RASSF5: variants seen among roughly 807,000 people sequenced by gnomAD.
RASSF5 encodes Ras association domain family member 5, also known as ras association domain-containing protein 5.
Under a neutral mutation model 40.5 loss-of-function variants are expected in RASSF5, and 25 were observed. The observed-to-expected ratio is 0.62, with a 90% CI of 0.45 to 0.86. The LOEUF is 0.86. RASSF5 is among the 40% of genes least tolerant of loss of function. RASSF5 has a pLI of 0.00. For missense variants in RASSF5, 521 were observed against 572.8 expected (o/e 0.91, Z 0.92); for synonymous variants, 246 against 252.4 (o/e 0.97, Z 0.24).
At chr1:206,571,728 G>A (rs1172346610) in intron 2 of RASSF5, among the ~76,000 whole-genome samples, 2 of 152,244 alleles carry the variant, frequency 1.3e-5, no homozygotes, top group Non-Finnish European at 2.9e-5. Context: ...ATGTAGAGAA[G>A]GGAGGACTTT....
rs79362557 is a variant in RASSF5, at chr1:206,560,368, G to A, written c.579+22075G>A. On this transcript the variant is annotated intron_variant, in intron 2 of 5. Transcript: ENST00000579436. The surrounding 1 kb of genome is among the most constrained non-coding windows in gnomAD (Gnocchi z 5.1). ...CTCCAATGCCCTTTGGGAAGAGGTC[G>A]GAGGGGTGGGAAAGGTCTCCCCATT... Among the ~76,000 whole-genome samples the A allele has an allele frequency of 0.023, 3,486 of 152,290 alleles. 155 individuals carry two copies. Among genetic ancestry groups the A allele is most frequent in the African/African-American group, 0.08 (3,309 of 41,538 alleles).
At chr1:206,562,649 T>C (rs1424600539) in intron 2 of RASSF5, among the ~76,000 whole-genome samples, 2 of 152,176 alleles carry the variant, frequency 1.3e-5, no homozygotes, top group African/African-American at 2.4e-5. Context: ...AAAGCCAGTA[T>C]TGGCCGGGCG....
chr1:206,538,493 C>A (rs1313924647), intron 2 of RASSF5, among the ~76,000 whole-genome samples, 200 bp downstream of exon 2: 1 of 152,212 alleles, frequency 6.6e-6, no homozygotes, highest in Non-Finnish European at 1.5e-5. Flanking sequence ...ACTCAGAAGT[C>A]CCCTGTAGTT....
chr1:206,542,588 GCAA>G (rs1354390520), intron 2 of RASSF5: 1 of 152,182 alleles, frequency 6.6e-6, no homozygotes, highest in Non-Finnish European at 1.5e-5. Context: ...TTCCTGGGCA[GCAA>G]CCTCGGAAAC....
intron 2 of RASSF5, among the ~76,000 whole-genome samples, chr1:206,580,329 C>T (rs901172400): frequency 1.1e-4 from 17 of 152,140 alleles, no homozygotes; most frequent in Admixed American, 9.2e-4. Context: ...GAGATCTTTC[C>T]GAAGCTTCTA....
Position 206,507,920 on chromosome 1 carries a change from C to T in RASSF5, c.318C>T (p.Ile106=), listed in dbSNP as rs2103496659. 2 of 1,517,308 alleles carry T rather than the reference C, an allele frequency of 1.3e-6. No individual in the cohort carries two copies. The highest frequency in any genetic ancestry group is 2.1e-5 in the Admixed American group (1 of 48,658). The allele number at this position is 1,517,308 out of a possible 1,614,324, so 94.0% of individuals were successfully genotyped here. Residue 106 remains isoleucine (I), a synonymous_variant, in exon 1 of 6, where the codon ATC becomes ATT. Coordinates refer to ENST00000579436, the MANE Select transcript of RASSF5 (RefSeq NM_182663.4). ...CCCGACCCCGCGACGTGCGGAGCAT[C>T]TTCGAGCAGCCGCAGGATCCCAGAG... ...GAPRPRDVRS[I]FEQPQDPRVP...
At chr1:206,564,265 C>T (rs1007740128) in intron 2 of RASSF5, among the ~76,000 whole-genome samples, 3 of 152,144 alleles carry the variant, frequency 2.0e-5, no homozygotes, top group Non-Finnish European at 4.4e-5. Context: ...GTCAGAGAGA[C>T]GACCTCCTCC....
chr1:206,509,278 G>A (rs1354225096), intron 1 of RASSF5, among the ~76,000 whole-genome samples: 2 of 152,228 alleles, frequency 1.3e-5, no homozygotes, highest in African/African-American at 4.8e-5. Flanking sequence ...GCTGTTCAAT[G>A]TGCTGCCCGC....
chr1:206,522,465 G>A (rs1666932836), intron 1 of RASSF5, among the ~76,000 whole-genome samples: 1 of 152,156 alleles, frequency 6.6e-6, no homozygotes, highest in African/African-American at 2.4e-5. Flanking sequence ...TTTCTGATGT[G>A]GTGTCGGAGG....
chr1:206,512,487 T>C (rs1349144791), intron 1 of RASSF5, among the ~76,000 whole-genome samples: 1 of 152,198 alleles, frequency 6.6e-6, no homozygotes, highest in Non-Finnish European at 1.5e-5. Context: ...GCCAGCCTAA[T>C]TAGACTTGGT....
chr1:206,528,451 C>T lies in RASSF5; in HGVS notation c.458-9721C>T, dbSNP rs782290821. Among the ~76,000 whole-genome samples, 4 of 151,998 alleles carry T rather than the reference C, an allele frequency of 2.6e-5. No homozygotes were observed. In the South Asian group the frequency reaches 6.2e-4, roughly 24 times the overall value. ...AGAGCACAGCGGGTTTTTAGGGCAG[C>T]GAAACTACCCTGCCTGATGCTATAA... is the stretch of plus-strand genomic sequence containing the variant. On this transcript the variant is annotated intron_variant, in intron 1 of 5. Coordinates refer to ENST00000579436, the MANE Select transcript of RASSF5 (RefSeq NM_182663.4).
intron 5 of RASSF5, 191 bp downstream of exon 5, chr1:206,585,486 G>GGGTA (rs1485715194): frequency 1.1e-5 from 6 of 530,490 alleles, no homozygotes; most frequent in African/African-American, 1.9e-5. Flanking sequence ...GAACACCCTG[G>GGGTA]GGTAGCACAT....
At chr1:206,581,809 AG>A (rs1668892278) in intron 2 of RASSF5, among the ~76,000 whole-genome samples, 1 of 152,196 alleles carries the variant, frequency 6.6e-6, no homozygotes, top group Admixed American at 6.5e-5. Flanking sequence ...AAGTGATGGC[AG>A]GTTGTTCAGG....
chr1:206,547,010 C>A (rs569215093), intron 2 of RASSF5, among the ~76,000 whole-genome samples: 1 of 152,266 alleles, frequency 6.6e-6, no homozygotes, highest in Admixed American at 6.5e-5. Context: ...GTGGCTCACA[C>A]CTGTAATCCT....
chr1:206,576,976 G>A (rs993593161), intron 2 of RASSF5, among the ~76,000 whole-genome samples: 1 of 103,830 alleles, frequency 9.6e-6, no homozygotes, highest in African/African-American at 3.8e-5. Context: ...GCTAATTTTT[G>A]TATTTTTTTT....
At chr1:206,542,982 C>T (rs1553399605) in intron 2 of RASSF5, 1 of 152,128 alleles carries the variant, frequency 6.6e-6, no homozygotes, top group East Asian at 1.9e-4. Flanking sequence ...GAGGTCAAGG[C>T]AGGAGGATTG....
chr1:206,511,213 T>G (rs1257092243), intron 1 of RASSF5, among the ~76,000 whole-genome samples: 1 of 152,166 alleles, frequency 6.6e-6, no homozygotes, highest in Non-Finnish European at 1.5e-5. Context: ...AAAGGTCCTG[T>G]GAGCCCATGT....
intron 1 of RASSF5, among the ~76,000 whole-genome samples, chr1:206,526,319 A>C (rs1432593918): frequency 9.9e-6 from 1 of 100,644 alleles, no homozygotes; most frequent in Non-Finnish European, 2.0e-5. Flanking sequence ...GGTTGTGTGG[A>C]GGGAGGGAGC....
At chr1:206,557,125 C>T in intron 2 of RASSF5, 5 of 990,156 alleles carry the variant, frequency 5.0e-6, no homozygotes, top group East Asian at 2.3e-4. Flanking sequence ...CAGTGACAGC[C>T]GAGCCGGCTT....
Sources: gnomAD v4.1 joint callset for allele counts (sites outside exome capture counted in the v4.1 genomes callset) on GRCh38, gnomAD v4.1.1 for gene constraint, Gnocchi (gnomAD v3.1) non-coding constraint, MANE v1.5 for transcripts, NCBI Gene and HGNC (gene_info 2026-07-23, HGNC 2026-07-21) for gene names.